Variants in DGKB observed in about 807,000 individuals in gnomAD.
DGKB encodes the protein diacylglycerol kinase beta, also known as 90 kDa diacylglycerol kinase.
A neutral mutation model predicts 114.3 loss-of-function variants in DGKB; 67 were observed. The observed-to-expected ratio is 0.59, with a 90% CI of 0.48 to 0.72. DGKB has a LOEUF of 0.72. Among genes scored for constraint, DGKB ranks in the 30% least tolerant of loss-of-function variants. DGKB has a pLI of 0.00. For synonymous variants in DGKB, 398 were observed against 323.1 expected, an observed-to-expected ratio of 1.23 and a Z score of -2.49; for missense variants, 907 against 975.2, an observed-to-expected ratio of 0.93 and a Z score of 0.93.
At chr7:14,881,755 G>A (rs1854270796) in intron 1 of DGKB, among the ~76,000 whole-genome samples, 3 of 152,126 alleles carry the variant, frequency 2.0e-5, no homozygotes, top group Middle Eastern at 6.8e-3. Flanking sequence ...ACCTGTAGAA[G>A]ACTGAGTGAA....
chr7:14,664,796 T>C (rs1002109243), intron 13 of DGKB, among the ~76,000 whole-genome samples: 5 of 151,958 alleles, frequency 3.3e-5, no homozygotes, highest in Non-Finnish European at 7.4e-5. Context: ...GGATGCTTCA[T>C]CTAATTTACT....
intron 20 of DGKB, among the ~76,000 whole-genome samples, chr7:14,492,284 C>T (rs1784700805): frequency 6.6e-6 from 1 of 151,956 alleles, no homozygotes; most frequent in Admixed American, 6.6e-5. Context: ...GTTTTATGTA[C>T]TGCAGAAGGA....
intron 1 of DGKB, among the ~76,000 whole-genome samples, chr7:14,894,466 T>C (rs931270810): frequency 4.0e-5 from 6 of 151,454 alleles, no homozygotes; most frequent in Non-Finnish European, 8.9e-5. Context: ...TTTTTATCAA[T>C]ATGGCATTGC....
At chr7:14,225,059 C>T (rs1352459830) in intron 23 of DGKB, among the ~76,000 whole-genome samples, 1 of 151,980 alleles carries the variant, frequency 6.6e-6, no homozygotes, top group Non-Finnish European at 1.5e-5. Flanking sequence ...GCCTGCATTT[C>T]CAAAGAATCC....
rs150644097 is a variant in DGKB, at chr7:14,426,067, G to A, written c.1835+52094C>T. ...AATCCAGATTTAAACCACTATTGTG[G>A]CTACCGCTAATAGCTATATATGAAT... On this transcript the variant is annotated intron_variant, in intron 21 of 25. Transcript: ENST00000402815. Among the ~76,000 whole-genome samples, 4 of 152,150 alleles carry A rather than the reference G, an allele frequency of 2.6e-5. No individual in the cohort carries two copies. The East Asian group carries it at 5.8e-4, about 22-fold the overall frequency.
intron 23 of DGKB, among the ~76,000 whole-genome samples, chr7:14,332,007 T>C (rs1809803672): frequency 6.6e-6 from 1 of 152,166 alleles, no homozygotes; most frequent in South Asian, 2.1e-4. Flanking sequence ...AAATAATACA[T>C]AGTAAATTTT....
At chr7:14,794,855 A>G (rs867415309) in intron 2 of DGKB, among the ~76,000 whole-genome samples, 1 of 152,118 alleles carries the variant, frequency 6.6e-6, no homozygotes, top group Non-Finnish European at 1.5e-5. Context: ...GATCTCCCCA[A>G]CCTCCAGCAG....
intron 1 of DGKB, among the ~76,000 whole-genome samples, chr7:14,918,587 A>T (rs1784353303): frequency 6.6e-6 from 1 of 152,192 alleles, no homozygotes. Flanking sequence ...GATGAAATTT[A>T]CAAAGTCCTA....
chr7:14,762,489 C>G (rs566427789), intron 2 of DGKB, among the ~76,000 whole-genome samples: 1 of 151,898 alleles, frequency 6.6e-6, no homozygotes, highest in Non-Finnish European at 1.5e-5. Context: ...AATTAAAGAC[C>G]CTTTACATTA....
chr7:14,560,063 A>AT (rs35881351), intron 20 of DGKB, among the ~76,000 whole-genome samples: 100 of 149,474 alleles, frequency 6.7e-4, no homozygotes, highest in Middle Eastern at 6.9e-3. Flanking sequence ...AGGTTATTAG[A>AT]TTTTTTTTTT....
In DGKB at chr7:14,703,990, T is replaced by G. The variant is rs1471038086; in HGVS notation, c.467-2260A>C. On this transcript the variant is annotated intron_variant, in intron 6 of 25. Coordinates refer to ENST00000402815, the MANE Select transcript of DGKB (RefSeq NM_001350709.2). ...ATTAAAGTGTACACACCAATGTAAC[T>G]ATTACCTCTAAATCGAAAAATAGAA... 2.0e-5 allele frequency among the ~76,000 whole-genome samples: 3 copies of G among 152,134 alleles called. No homozygotes were observed. In the East Asian group the frequency reaches 5.8e-4, roughly 29 times the overall value.
At position 14,755,755 on chromosome 7, in the gene DGKB, T is replaced by C. The variant is rs115453069; in HGVS notation, c.148-1807A>G. ...CAATTGGCTTTTAGAAGATACATAC[T>C]AGTTTTTTAAATGGTTATATAAGCC... On this transcript the variant is annotated intron_variant, in intron 3 of 25. Transcript: ENST00000402815. Among the ~76,000 whole-genome samples, 513 of 152,290 alleles carry C rather than the reference T, an allele frequency of 3.4e-3. 2 individuals are homozygous for C. Among genetic ancestry groups the C allele is most frequent in the African/African-American group, 0.012 (484 of 41,590 alleles).
chr7:14,769,448 A>T, intron 2 of DGKB, among the ~76,000 whole-genome samples: 1 of 151,956 alleles, frequency 6.6e-6, no homozygotes, highest in East Asian at 1.9e-4. Context: ...ATGTGCTTAT[A>T]TTACAAAGAA....
chr7:14,737,892 C>CA lies in DGKB; in HGVS notation c.169-1699dup, dbSNP rs72307217. Among the ~76,000 whole-genome samples the CA allele has an allele frequency of 5.5e-3, 575 of 104,266 alleles. 2 individuals carry two copies. Among genetic ancestry groups the CA allele is most frequent in the Non-Finnish European group, 8.2e-3 (368 of 44,726 alleles). 68.4% of individuals were successfully genotyped at this position (104,266 alleles called of 152,430 possible). A position where few individuals can be genotyped will look rare whatever the true frequency, so the allele number is the denominator to read the frequency against. Reference sequence around the variant, plus strand: ...CTGGCGATAGAGTGAGACTCCGTCTCAAAAAAAAAAAAAAAAAGAATATTG... The same window carrying CA: ...CTGGCGATAGAGTGAGACTCCGTCTCAAAAAAAAAAAAAAAAAAGAATATTG... On this transcript the variant is annotated intron_variant, in intron 4 of 25. Coordinates refer to ENST00000402815, the MANE Select transcript of DGKB (RefSeq NM_001350709.2).
At chr7:14,611,659 C>A (rs896204986) in intron 16 of DGKB, among the ~76,000 whole-genome samples, 1 of 151,680 alleles carries the variant, frequency 6.6e-6, no homozygotes, top group African/African-American at 2.4e-5. Flanking sequence ...GAAGTTGAAG[C>A]CCCCAGTAAA....
intron 23 of DGKB, among the ~76,000 whole-genome samples, chr7:14,280,828 C>T (rs533781187): frequency 0.013 from 1,922 of 151,036 alleles, 46 homozygotes; most frequent in African/African-American, 0.044. Flanking sequence ...TTTGTCACCA[C>T]CAGGCCTGCC....
At position 14,963,770 on chromosome 7, in the gene DGKB, T is replaced by G. The variant is rs140847514; in HGVS notation, c.-188+10926A>C. Among the ~76,000 whole-genome samples the G allele has an allele frequency of 9.2e-4, 140 of 152,234 alleles. 1 individual carries two copies. Among genetic ancestry groups the G allele is most frequent in the African/African-American group, 2.8e-3 (118 of 41,546 alleles). Reference sequence around the variant, plus strand: ...ATTCCCATTTCTCAGCTAACATTTCTTGAGATTTTTTGGTCTTCCTTGTAG... The same window carrying G: ...ATTCCCATTTCTCAGCTAACATTTCGTGAGATTTTTTGGTCTTCCTTGTAG... On this transcript the variant is annotated intron_variant, in intron 1 of 4. Transcript: ENST00000437998.
chr7:14,186,965 A>G (rs1783537915), intron 23 of DGKB, among the ~76,000 whole-genome samples: 1 of 152,150 alleles, frequency 6.6e-6, no homozygotes, highest in African/African-American at 2.4e-5. Flanking sequence ...AATAACCACT[A>G]AAAAACTTAC....
At chr7:14,534,418 C>G (rs1002003874) in intron 20 of DGKB, among the ~76,000 whole-genome samples, 1 of 151,952 alleles carries the variant, frequency 6.6e-6, no homozygotes, top group Non-Finnish European at 1.5e-5. Context: ...AGACAAAAAA[C>G]AATGGACAAA....
Sources: gnomAD v4.1 joint callset for allele counts (sites outside exome capture counted in the v4.1 genomes callset) on GRCh38, gnomAD v4.1.1 for gene constraint, MANE v1.5 for transcripts, NCBI Gene and HGNC (gene_info 2026-07-23, HGNC 2026-07-21) for gene names.